The following TMEM225B variants were observed in gnomAD, a reference collection of about 807,000 sequenced individuals.
TMEM225B encodes transmembrane protein 225-like.
TMEM225B carries 10 observed loss-of-function variants against 16.9 expected under a neutral mutation model. That is an observed-to-expected ratio of 0.59 (90% CI 0.36 to 1.00). TMEM225B has a LOEUF of 1.00. Among genes scored for constraint, TMEM225B ranks in the 50% least tolerant of loss-of-function variants. The pLI is 0.01. For synonymous variants in TMEM225B, 92 were observed against 109.8 expected (o/e 0.84, Z 1.01); for missense variants, 217 against 267.0 (o/e 0.81, Z 1.30).
intron 4 of TMEM225B, 140 bp from the exon 5 acceptor site, chr7:99,607,533 C>T: frequency 1.4e-6 from 1 of 737,496 alleles, no homozygotes; most frequent in Non-Finnish European, 2.2e-6. Flanking sequence ...GAGGGAGGGA[C>T]AGGCATCTGG....
At chr7:99,599,125 ATTTTTTT>A (rs769617190) in intron 1 of TMEM225B, among the ~76,000 whole-genome samples, 83 of 115,500 alleles carry the variant, frequency 7.2e-4, no homozygotes, top group African/African-American at 2.0e-3. Context: ...CGCCTGGCTA[ATTTTTTT>A]TTTTTTTTTT....
chr7:99,601,497 G>A (rs1247458568), intron 2 of TMEM225B, among the ~76,000 whole-genome samples: 2 of 152,222 alleles, frequency 1.3e-5, no homozygotes, highest in African/African-American at 2.4e-5. Context: ...GGAGGCTGAG[G>A]TGGGAGGATC....
chr7:99,608,746 C>T (rs1054414924), intron 5 of TMEM225B, among the ~76,000 whole-genome samples: 1 of 139,048 alleles, frequency 7.2e-6, no homozygotes, highest in Admixed American at 7.2e-5. Context: ...CACACACACA[C>T]ACACACACAC....
At chr7:99,608,437 C>T (rs1230221217) in intron 5 of TMEM225B, among the ~76,000 whole-genome samples, 1 of 152,008 alleles carries the variant, frequency 6.6e-6, no homozygotes, top group East Asian at 1.9e-4. Context: ...TCAACCCCAT[C>T]CTTGGCCTTC....
At chr7:99,609,114 C>G (rs1319682289) in intron 5 of TMEM225B, among the ~76,000 whole-genome samples, 1 of 152,046 alleles carries the variant, frequency 6.6e-6, no homozygotes, top group Non-Finnish European at 1.5e-5. Flanking sequence ...TTGCGGTGAG[C>G]TGAGATCTCA....
intron 4 of TMEM225B, 53 bp from the exon 5 acceptor site, chr7:99,607,620 G>A: frequency 1.3e-6 from 2 of 1,492,522 alleles, no homozygotes; most frequent in Non-Finnish European, 1.8e-6. Context: ...AAGTTTGGAG[G>A]GAAGGCGGGT....
intron 3 of TMEM225B, among the ~76,000 whole-genome samples, chr7:99,605,051 C>G (rs983195363): frequency 6.6e-6 from 1 of 151,912 alleles, no homozygotes; most frequent in African/African-American, 2.4e-5. Flanking sequence ...AAAAAATTAA[C>G]CAGGCTTGGT....
Position 99,611,020 on chromosome 7 carries a change from G to A in TMEM225B, c.*455G>A, listed in dbSNP as rs1458871974. On this transcript the variant is annotated 3_prime_UTR_variant, in exon 6 of 6. Transcript: ENST00000431679. ...AGACGGTTGTAGATAAAGAAAGGCA[G>A]ATTTATTAAAGGAAGTATAAAAGTA... Among the ~76,000 whole-genome samples the A allele has an allele frequency of 6.6e-6, 1 of 152,162 alleles. No individual in the cohort carries two copies. The highest frequency in any genetic ancestry group is 1.9e-4 in the East Asian group (1 of 5,192).
intron 2 of TMEM225B, 129 bp downstream of exon 2, chr7:99,600,414 C>T: frequency 1.5e-6 from 1 of 650,220 alleles, no homozygotes; most frequent in South Asian, 1.7e-5. Flanking sequence ...ACCCCCGCCC[C>T]CAGGAAGGAA....
At chr7:99,609,729 C>T (rs138589871) in intron 5 of TMEM225B, among the ~76,000 whole-genome samples, 49 of 151,894 alleles carry the variant, frequency 3.2e-4, no homozygotes, top group African/African-American at 1.1e-3. Flanking sequence ...CCACCGCGCC[C>T]GGCCACTTGT....
intron 4 of TMEM225B, among the ~76,000 whole-genome samples, chr7:99,607,168 T>A (rs1310036726): frequency 6.6e-6 from 1 of 151,984 alleles, no homozygotes; most frequent in African/African-American, 2.4e-5. Flanking sequence ...AAACATTTTT[T>A]TTTTTGGTAG....
chr7:99,599,200 C>T (rs1805125914), intron 1 of TMEM225B, among the ~76,000 whole-genome samples: 1 of 145,380 alleles, frequency 6.9e-6, no homozygotes, highest in Non-Finnish European at 1.5e-5. Flanking sequence ...TGGTCTCGAT[C>T]TCCTGATCTC....
rs560609723 is a variant in TMEM225B, at chr7:99,604,311, C to T, written c.-3-75C>T. 170 of 937,010 alleles carry T rather than the reference C, an allele frequency of 1.8e-4. No homozygotes were observed. The African/African-American group carries it at 2.4e-3, about 13-fold the overall frequency. The allele number at this position is 937,010 out of a possible 1,614,324, so 58.0% of individuals were successfully genotyped here. On this transcript the variant is annotated intron_variant, in intron 2 of 5. Coordinates refer to ENST00000431679, the MANE Select transcript of TMEM225B (RefSeq NM_001195541.3). ...CACAGCACTGACATTTCCCCAGCCA[C>T]TGTCTCCTTCCCTCTGTGCTGCAGG...
Position 99,604,622 on chromosome 7 carries a change from A to C in TMEM225B, c.208+26A>C, listed in dbSNP as rs955487346. The C allele has an allele frequency of 3.5e-5, 53 of 1,509,152 alleles. No homozygotes were observed. The African/African-American group carries it at 6.5e-4, about 18-fold the overall frequency. 93.5% of individuals were successfully genotyped at this position (1,509,152 alleles called of 1,614,324 possible). ...GTAAGGAGGGATGGAGGCGGGGAGG[A>C]GAGAGAGGGAGATGGGGCCAGTGTT... On this transcript the variant is annotated intron_variant, in intron 3 of 5. Transcript: ENST00000431679.
At chr7:99,608,240 G>A (rs909419763) in intron 5 of TMEM225B, among the ~76,000 whole-genome samples, 2 of 152,148 alleles carry the variant, frequency 1.3e-5, no homozygotes, top group African/African-American at 4.8e-5. Flanking sequence ...GGGTGACAGA[G>A]CAAAACTCCA....
chr7:99,608,858 T>TATATATATATACAC (rs536627768), intron 5 of TMEM225B, among the ~76,000 whole-genome samples: 9 of 144,388 alleles, frequency 6.2e-5, no homozygotes, highest in African/African-American at 2.5e-4. Context: ...TATATATATA[T>TATATATATATACAC]ACACACACAC....
chr7:99,610,208 G>A (rs759277399), intron 5 of TMEM225B, among the ~76,000 whole-genome samples, 185 bp from the exon 6 acceptor site: 15 of 152,054 alleles, frequency 9.9e-5, no homozygotes, highest in Admixed American at 2.6e-4. Flanking sequence ...CCATGGGTCT[G>A]TGATTTTATA....
Position 99,610,865 on chromosome 7 carries a change from G to A in TMEM225B, c.*300G>A, listed in dbSNP as rs1295647021. 2 of 263,556 alleles carry A rather than the reference G, an allele frequency of 7.6e-6. No individual in the cohort carries two copies. The highest frequency in any genetic ancestry group is 1.5e-5 in the Non-Finnish European group (2 of 135,830). The allele number at this position is 263,556 out of a possible 1,614,324, so 16.3% of individuals were successfully genotyped here. On this transcript the variant is annotated 3_prime_UTR_variant, in exon 6 of 6. Transcript: ENST00000431679. Reference sequence around the variant, plus strand: ...AAACCAAGTCCGCAGGGCAGGAGGGGAGGGAGGAATATTACAAGATAACCA... The same window carrying A: ...AAACCAAGTCCGCAGGGCAGGAGGGAAGGGAGGAATATTACAAGATAACCA...
chr7:99,607,704 T>G lies in TMEM225B; in HGVS notation c.387T>G (p.His129Gln). 1 of 1,536,090 alleles carries G rather than the reference T, an allele frequency of 6.5e-7. No homozygotes were observed. The highest frequency in any genetic ancestry group is 1.2e-5 in the South Asian group (1 of 84,064). The change falls in exon 5 of 6, where the codon CAT (histidine) becomes CAG (glutamine). Residue 129 changes from histidine to glutamine, a missense_variant. Physicochemically the swap from His to Gln is conservative, Grantham distance 24 (BLOSUM62 0). Transcript: ENST00000431679. ...GTGCCTTCCTGGCTTTGGTGCTGCATGCCCTGGAGATCAAGGCTCTGAGGA... is the reference window on the plus strand; with the variant it reads ...GTGCCTTCCTGGCTTTGGTGCTGCAGGCCCTGGAGATCAAGGCTCTGAGGA... ...GACAFLALVL[H>Q]ALEIKALRMK...
Sources: gnomAD v4.1 joint callset for allele counts (sites outside exome capture counted in the v4.1 genomes callset) on GRCh38, gnomAD v4.1.1 for gene constraint, MANE v1.5 for transcripts, NCBI Gene and HGNC (gene_info 2026-07-23, HGNC 2026-07-21) for gene names.